Variants in TMEM171 observed in about 807,000 individuals in gnomAD.
TMEM171 encodes transmembrane protein 171, also known as proline-rich protein PRP2.
Under a neutral mutation model 19.1 loss-of-function variants are expected in TMEM171, and 16 were observed. That is an observed-to-expected ratio of 0.84 (90% CI 0.57 to 1.27). TMEM171 has a LOEUF of 1.27. Among genes scored for constraint, TMEM171 ranks in the 50% most tolerant of loss-of-function variants. The pLI, the probability that TMEM171 is intolerant of heterozygous loss-of-function variation, is 0.00. For missense variants in TMEM171, 429 were observed against 412.7 expected (o/e 1.04, Z -0.34); for synonymous variants, 153 against 163.4 (o/e 0.94, Z 0.48).
At chr5:73,126,870 TG>T (rs976600785) in intron 2 of TMEM171, among the ~76,000 whole-genome samples, 32 of 134,252 alleles carry the variant, frequency 2.4e-4, no homozygotes, top group Non-Finnish European at 5.2e-4. Flanking sequence ...CCCCCAGCAG[TG>T]GTGCTGCCAG....
In TMEM171 at chr5:73,128,448, T is replaced by A. The variant is rs1209654065; in HGVS notation, c.699T>A (p.Ala233=). Reference sequence around the variant, plus strand: ...CACCTTACTTTCCTGAATCTTCAGCTTCTGCGGTCGCTGAGAGTCCTGGAA... The same window carrying A: ...CACCTTACTTTCCTGAATCTTCAGCATCTGCGGTCGCTGAGAGTCCTGGAA... ...PPPPYFPESS[A]SAVAESPGTN... The change falls in exon 3 of 4, where the codon GCT becomes GCA. Residue 233 remains alanine (A), a synonymous_variant. Transcript: ENST00000454765. 14 of 1,614,092 alleles carry A rather than the reference T, an allele frequency of 8.7e-6. No individual in the cohort carries two copies. The highest frequency in any genetic ancestry group is 1.7e-5 in the Admixed American group (1 of 60,004).
chr5:73,127,055 G>A (rs1225779617), intron 2 of TMEM171, among the ~76,000 whole-genome samples: 1 of 152,140 alleles, frequency 6.6e-6, no homozygotes, highest in Non-Finnish European at 1.5e-5. Context: ...ACCTTCATCT[G>A]TATGGGTGAA....
At chr5:73,120,806 C>G (rs1743987812) in intron 1 of TMEM171, 110 bp downstream of exon 1, 14 of 923,262 alleles carry the variant, frequency 1.5e-5, no homozygotes, top group Non-Finnish European at 1.8e-5. Context: ...GCTGGGTATC[C>G]GAGCCCAACC....
chr5:73,128,393 A>ACGT lies in TMEM171; in HGVS notation c.645_646insGTC (p.Asp215_Ser216insVal), dbSNP rs1744237644. ...ACTAAATATTGTTTTGCCTTAGGTGACTCGGTAATAATATTTCCACCCCCT... is the reference window on the plus strand; with the variant it reads ...ACTAAATATTGTTTTGCCTTAGGTGACGTCTCGGTAATAATATTTCCACCCCCT... On this transcript the variant is annotated inframe_insertion, in exon 3 of 4. Coordinates refer to ENST00000454765, the MANE Select transcript of TMEM171 (RefSeq NM_173490.8). The ACGT allele has an allele frequency of 6.2e-7, 1 of 1,613,686 alleles. No individual in the cohort carries two copies. Among genetic ancestry groups the ACGT allele is most frequent in the Admixed American group, 1.7e-5 (1 of 59,976 alleles).
intron 2 of TMEM171, among the ~76,000 whole-genome samples, chr5:73,125,330 A>T (rs1744132130): frequency 6.6e-6 from 1 of 152,174 alleles, no homozygotes; most frequent in Admixed American, 6.5e-5. Context: ...TGTGAAATTC[A>T]TTCACACCTA....
chr5:73,124,825 G>A (rs923518169), intron 2 of TMEM171, among the ~76,000 whole-genome samples: 3 of 152,174 alleles, frequency 2.0e-5, no homozygotes, highest in African/African-American at 7.2e-5. Context: ...AGTAGCGTTG[G>A]CCTCAGCTTC....
At chr5:73,121,890 G>A (rs1230486284) in intron 1 of TMEM171, among the ~76,000 whole-genome samples, 1 of 152,192 alleles carries the variant, frequency 6.6e-6, no homozygotes, top group East Asian at 1.9e-4. Context: ...CCTTGGGCAG[G>A]TGAAAATAGT....
intron 2 of TMEM171, among the ~76,000 whole-genome samples, chr5:73,127,384 A>AAAATATATATATAT: frequency 1.6e-4 from 13 of 81,674 alleles, no homozygotes; most frequent in African/African-American, 7.2e-4. Flanking sequence ...AAAAAAAAAA[A>AAAATATATATATAT]ATATATATAT....
intron 1 of TMEM171, 139 bp from the exon 2 acceptor site, chr5:73,123,167 G>T (rs1744049843): frequency 3.2e-6 from 2 of 627,576 alleles, no homozygotes; most frequent in South Asian, 3.1e-5. Context: ...CCAACTCATT[G>T]TTCTACAGCT....
intron 3 of TMEM171, among the ~76,000 whole-genome samples, chr5:73,130,157 A>T (rs1385652615): frequency 1.3e-5 from 2 of 151,894 alleles, no homozygotes; most frequent in Non-Finnish European, 2.9e-5. Flanking sequence ...TTGGAGGCAG[A>T]CTGGGAAGGG....
rs1322541528 is a variant in TMEM171 at position 73,131,800 on chromosome 5, T to A, written c.*70T>A. ...TATTTAATTTTTTTTAAATAAAAAATACAATAGCATTGGCTATATTCTGAC... is the reference window on the plus strand; with the variant it reads ...TATTTAATTTTTTTTAAATAAAAAAAACAATAGCATTGGCTATATTCTGAC... On this transcript the variant is annotated 3_prime_UTR_variant, in exon 4 of 4. Coordinates refer to ENST00000454765, the MANE Select transcript of TMEM171 (RefSeq NM_173490.8). The A allele has an allele frequency of 6.6e-6, 9 of 1,373,672 alleles. No homozygotes were observed. The highest frequency in any genetic ancestry group is 8.8e-6 in the Non-Finnish European group (9 of 1,026,128). 85.1% of individuals were successfully genotyped at this position (1,373,672 alleles called of 1,614,324 possible). A position where few individuals can be genotyped will look rare whatever the true frequency, so the allele number is the denominator to read the frequency against.
intron 2 of TMEM171, 137 bp downstream of exon 2, chr5:73,124,150 ACCC>A (rs1554078419): frequency 5.5e-6 from 4 of 729,056 alleles, no homozygotes; most frequent in Non-Finnish European, 6.3e-6. Flanking sequence ...ACACGCACAC[ACCC>A]CCATCATGTG....
At chr5:73,131,449 T>G in intron 3 of TMEM171, 89 bp from the exon 4 acceptor site, 1 of 1,037,544 alleles carries the variant, frequency 9.6e-7, no homozygotes. Flanking sequence ...CTTAAGTGCA[T>G]GTAATCAAAC....
chr5:73,123,445 C>T lies in TMEM171; in HGVS notation c.72C>T (p.Cys24=). ...QDRHVSKLIF[C]FFVFGAVLLC... is the part of the protein sequence containing the mutation. ...GACACGTCAGCAAACTCATCTTCTG[C>T]TTCTTTGTCTTCGGCGCCGTCTTGT... is the stretch of plus-strand genomic sequence containing the variant. The change falls in exon 2 of 4, where the codon TGC becomes TGT. Residue 24 remains cysteine (C), a synonymous_variant. Coordinates refer to ENST00000454765, the MANE Select transcript of TMEM171 (RefSeq NM_173490.8). 1 of 1,614,032 alleles carries T rather than the reference C, an allele frequency of 6.2e-7. No individual in the cohort carries two copies. Among genetic ancestry groups the T allele is most frequent in the Non-Finnish European group, 8.5e-7 (1 of 1,180,014 alleles).
chr5:73,127,369 TAA>T (rs150651292), intron 2 of TMEM171, among the ~76,000 whole-genome samples: 2,117 of 97,168 alleles, frequency 0.022, 92 homozygotes, highest in Middle Eastern at 0.032. Context: ...AAATTTGTGG[TAA>T]AAAAAAAAAA....
chr5:73,127,382 A>ATATATATATATATATATATATATATAT (rs879892153), intron 2 of TMEM171, among the ~76,000 whole-genome samples: 4 of 68,282 alleles, frequency 5.9e-5, no homozygotes, highest in African/African-American at 2.2e-4. Flanking sequence ...AAAAAAAAAA[A>ATATATATATATATATATATATATATAT]AAATATATAT....
intron 2 of TMEM171, among the ~76,000 whole-genome samples, chr5:73,127,384 A>AAAAAAAAAAAATATATATATATATATAT: frequency 2.0e-4 from 16 of 81,648 alleles, no homozygotes; most frequent in East Asian, 3.4e-4. Context: ...AAAAAAAAAA[A>AAAAAAAAAAAATATATATATATATATAT]ATATATATAT....
At chr5:73,128,193 A>G (rs1580237897) in intron 2 of TMEM171, among the ~76,000 whole-genome samples, 197 bp from the exon 3 acceptor site, 1 of 151,640 alleles carries the variant, frequency 6.6e-6, no homozygotes, top group Non-Finnish European at 1.5e-5. Context: ...CTCCTCCCGA[A>G]CCCCTCCTAG....
chr5:73,128,334 T>C lies in TMEM171; in HGVS notation c.641-56T>C. On this transcript the variant is annotated intron_variant, in intron 2 of 3. Coordinates refer to ENST00000454765, the MANE Select transcript of TMEM171 (RefSeq NM_173490.8). ...AATATATAATTAATTTTGCTTTTGC[T>C]AATTTGCTTCCATTTATTACCCACC... The C allele has an allele frequency of 3.2e-6, 5 of 1,585,772 alleles. No homozygotes were observed. The Admixed American group carries it at 8.9e-5, about 28-fold the overall frequency.
Sources: allele counts gnomAD v4.1 joint callset (sites outside exome capture counted in the v4.1 genomes callset), GRCh38; gene constraint gnomAD v4.1.1; transcripts MANE v1.5; gene names NCBI Gene and HGNC (gene_info 2026-07-23, HGNC 2026-07-21).